EPHB2: variants seen among roughly 807,000 people sequenced by gnomAD.
EPHB2 encodes EPH receptor B2.
In EPHB2, 18 loss-of-function variants were observed where a neutral mutation model predicts 96.4. The observed-to-expected ratio is 0.19, with a 90% confidence interval of 0.13 to 0.28. EPHB2 has a LOEUF of 0.28. Ranked by LOEUF, EPHB2 falls within the 10% of genes least tolerant of loss-of-function variation. The pLI is 1.00. For synonymous variants in EPHB2, 506 were observed against 534.1 expected (o/e 0.95, Z 0.72); for missense variants, 989 against 1,355.4 (o/e 0.73, Z 4.25).
In EPHB2 at chr1:22,741,679, C is replaced by CAAAAAAA. The variant is rs747438721; in HGVS notation, c.61+30639_61+30645dup. On this transcript the variant is annotated intron_variant, in intron 1 of 15. Coordinates refer to ENST00000374630, the MANE Select transcript of EPHB2 (RefSeq NM_017449.5). ...CTTGACAGCCTGGTTTTCTTCCCAGCAAAAAAAAACAAAAAAACAAAAAAC... is the reference window on the plus strand; with the variant it reads ...CTTGACAGCCTGGTTTTCTTCCCAGCAAAAAAAAAAAAAAAACAAAAAAACAAAAAAC... Among the ~76,000 whole-genome samples, 290 of 73,570 alleles carry CAAAAAAA rather than the reference C, an allele frequency of 3.9e-3. 5 individuals carry two copies. Among genetic ancestry groups the CAAAAAAA allele is most frequent in the Middle Eastern group, 8.8e-3 (1 of 114 alleles). 48.3% of individuals were successfully genotyped at this position (73,570 alleles called of 152,430 possible). A position where few individuals can be genotyped will look rare whatever the true frequency, so the allele number is the denominator to read the frequency against.
rs1570163788 is a variant in EPHB2 at position 22,729,287 on chromosome 1, T to C, written c.61+18244T>C. On this transcript the variant is annotated intron_variant, in intron 1 of 15. Transcript: ENST00000374630. ...GATGCTGGAAGGAGATGACCTTTTG[T>C]CTTGAAATCTCCAAATTAGGATTTC... Among the ~76,000 whole-genome samples the C allele has an allele frequency of 2.6e-5, 4 of 152,320 alleles. No individual in the cohort carries two copies. In the Middle Eastern group the frequency reaches 0.014, roughly 518 times the overall value.
chr1:22,818,225 C>G (rs1645101701), intron 3 of EPHB2, among the ~76,000 whole-genome samples: 1 of 152,156 alleles, frequency 6.6e-6, no homozygotes, highest in African/African-American at 2.4e-5. Context: ...GGCCAGCCCC[C>G]CACGACCTCT....
intron 5 of EPHB2, among the ~76,000 whole-genome samples, chr1:22,872,494 G>A (rs1328423028): frequency 6.6e-6 from 1 of 152,080 alleles, no homozygotes; most frequent in Non-Finnish European, 1.5e-5. Context: ...CATCTTTGGG[G>A]GGTCATTATT....
chr1:22,863,466 G>A (rs556794755), intron 4 of EPHB2, among the ~76,000 whole-genome samples: 19 of 152,340 alleles, frequency 1.2e-4, no homozygotes, highest in Admixed American at 1.2e-3. Flanking sequence ...CAGGGGATGG[G>A]AGGCTTGGCA....
chr1:22,826,041 G>C (rs888722397), intron 3 of EPHB2, among the ~76,000 whole-genome samples: 7 of 152,188 alleles, frequency 4.6e-5, no homozygotes. Flanking sequence ...CCAGCTCAGG[G>C]ATTTAAGCTG....
At chr1:22,876,663 T>C (rs1345463601) in intron 5 of EPHB2, among the ~76,000 whole-genome samples, 4 of 152,088 alleles carry the variant, frequency 2.6e-5, no homozygotes, top group Non-Finnish European at 4.4e-5. Context: ...CGGCTAGTAA[T>C]TGAAAATACC....
intron 3 of EPHB2, among the ~76,000 whole-genome samples, chr1:22,847,408 G>T (rs1445465359): frequency 1.3e-5 from 2 of 152,190 alleles, no homozygotes; most frequent in African/African-American, 2.4e-5. Context: ...AATAAATGGT[G>T]GCTGCTGTTG....
At chr1:22,821,257 A>G (rs1645148619) in intron 3 of EPHB2, among the ~76,000 whole-genome samples, 1 of 152,354 alleles carries the variant, frequency 6.6e-6, no homozygotes, top group South Asian at 2.1e-4. Flanking sequence ...TCACATGACT[A>G]TACTACCCAG....
chr1:22,837,941 G>T (rs927508024), intron 3 of EPHB2, among the ~76,000 whole-genome samples: 20 of 151,564 alleles, frequency 1.3e-4, no homozygotes, highest in African/African-American at 4.6e-4. Flanking sequence ...CCAAAGAGGT[G>T]ACCCAAGGTG....
intron 1 of EPHB2, among the ~76,000 whole-genome samples, chr1:22,772,921 G>A (rs996727924): frequency 5.3e-5 from 8 of 152,158 alleles, no homozygotes; most frequent in Non-Finnish European, 1.2e-4. Flanking sequence ...CAGACCAAAG[G>A]GATCAAATTT....
intron 1 of EPHB2, among the ~76,000 whole-genome samples, chr1:22,712,195 T>G (rs1643168743): frequency 6.6e-6 from 1 of 152,226 alleles, no homozygotes; most frequent in African/African-American, 2.4e-5. Flanking sequence ...CAGGTAGGTA[T>G]GATTCCTACT....
chr1:22,912,234 A>C lies in EPHB2; in HGVS notation c.2697-210A>C, dbSNP rs185308767. 9.9e-5 allele frequency among the ~76,000 whole-genome samples: 15 copies of C among 152,280 alleles called. No homozygotes were observed. The East Asian group carries it at 2.9e-3, about 29-fold the overall frequency. ...GTTCTGCACACACACTCACTCTCGC[A>C]TGCTCACATATATATGCGTGCATGT... On this transcript the variant is annotated intron_variant, in intron 14 of 15. Transcript: ENST00000374630.
At chr1:22,793,170 T>A (rs896083232) in intron 3 of EPHB2, among the ~76,000 whole-genome samples, 2 of 152,220 alleles carry the variant, frequency 1.3e-5, no homozygotes, top group African/African-American at 4.8e-5. Flanking sequence ...AAATTCCTAG[T>A]GATCTGGGTA....
chr1:22,892,547 A>G (rs185379381), intron 6 of EPHB2, among the ~76,000 whole-genome samples: 5 of 152,240 alleles, frequency 3.3e-5, no homozygotes, highest in African/African-American at 1.2e-4. Context: ...AGTTCCTCTC[A>G]TGGCAGAAGC....
intron 5 of EPHB2, among the ~76,000 whole-genome samples, chr1:22,871,310 C>T (rs1557725783): frequency 6.6e-6 from 1 of 152,192 alleles, no homozygotes; most frequent in African/African-American, 2.4e-5. Flanking sequence ...CATACCACAG[C>T]CTGGCTGGGT....
At chr1:22,755,618 CCT>C (rs1464035896) in intron 1 of EPHB2, among the ~76,000 whole-genome samples, 1 of 152,182 alleles carries the variant, frequency 6.6e-6, no homozygotes, top group Non-Finnish European at 1.5e-5. Flanking sequence ...GGGTTTGAAT[CCT>C]CGCTCTGCCC....
Position 22,914,079 on chromosome 1 carries a change from G to A in EPHB2, c.*509G>A. 1.6e-6 allele frequency: 1 copy of A among 607,020 alleles called. No individual in the cohort carries two copies. Among genetic ancestry groups the A allele is most frequent in the Non-Finnish European group, 2.7e-6 (1 of 366,754 alleles). The allele number at this position is 607,020 out of a possible 1,614,324, so 37.6% of individuals were successfully genotyped here. On this transcript the variant is annotated 3_prime_UTR_variant, in exon 16 of 16. Coordinates refer to ENST00000374630, the MANE Select transcript of EPHB2 (RefSeq NM_017449.5). ...AACCAAGCGCCTGGAGGACGGGACA[G>A]ATGGACAGACAGCCACCCTGAGAAC...
intron 1 of EPHB2, among the ~76,000 whole-genome samples, chr1:22,736,690 G>C (rs560023457): frequency 5.3e-5 from 8 of 152,214 alleles, no homozygotes; most frequent in Non-Finnish European, 1.2e-4. Context: ...CTCTGGCAGG[G>C]TCACTGTGGA....
chr1:22,823,238 T>C (rs1645177537), intron 3 of EPHB2, among the ~76,000 whole-genome samples: 1 of 152,084 alleles, frequency 6.6e-6, no homozygotes, highest in East Asian at 1.9e-4. Context: ...CAAATGGCGG[T>C]TAGCTGGCCT....
Sources: allele counts gnomAD v4.1 joint callset (sites outside exome capture counted in the v4.1 genomes callset), GRCh38; gene constraint gnomAD v4.1.1; transcripts MANE v1.5; gene names NCBI Gene and HGNC (gene_info 2026-07-23, HGNC 2026-07-21).